ADORA1: variants seen among roughly 807,000 people sequenced by gnomAD.
ADORA1 encodes the protein adenosine A1 receptor.
Under a neutral mutation model 19.9 loss-of-function variants are expected in ADORA1, and 6 were observed. The observed-to-expected ratio is 0.30, with a 90% CI of 0.17 to 0.59. The LOEUF (loss-of-function observed/expected upper bound fraction) is 0.59. Among genes scored for constraint, ADORA1 ranks in the 20% least tolerant of loss-of-function variants. ADORA1 has a pLI of 0.87. For synonymous variants in ADORA1, 194 were observed against 188.4 expected (o/e 1.03, Z -0.24); for missense variants, 302 against 439.2 (o/e 0.69, Z 2.79).
chr1:203,151,686 C>T (rs1208534553), intron 3 of ADORA1, among the ~76,000 whole-genome samples: 1 of 152,138 alleles, frequency 6.6e-6, no homozygotes, highest in Non-Finnish European at 1.5e-5. Flanking sequence ...AGGACAAAAC[C>T]AAGGCTCAAG....
At chr1:203,141,366 A>G (rs1245023339) in intron 3 of ADORA1, among the ~76,000 whole-genome samples, 2 of 152,128 alleles carry the variant, frequency 1.3e-5, no homozygotes, top group Non-Finnish European at 2.9e-5. Context: ...AGAGGCTACC[A>G]GTTTCCAGTT....
At position 203,160,551 on chromosome 1, in the gene ADORA1, G is replaced by A. The variant is rs192264206; in HGVS notation, c.342-4710G>A. Among the ~76,000 whole-genome samples the A allele has an allele frequency of 1.4e-4, 21 of 152,272 alleles. No individual in the cohort carries two copies. In the South Asian group the frequency reaches 2.7e-3, roughly 20 times the overall value. On this transcript the variant is annotated intron_variant, in intron 3 of 3. Coordinates refer to ENST00000337894, the MANE Select transcript of ADORA1 (RefSeq NM_000674.3). ...CCTAGGGCTGGGCGCAGTGGTGCAC[G>A]CCTGTAATCCCAGCACTTTGGGAGG...
Position 203,165,964 on chromosome 1 carries a change from G to A in ADORA1, c.*64G>A, listed in dbSNP as rs200117311. ...GTCTCAGTCCAGTCCTCACATGCCC[G>A]CTGTCCCAGGGGTCTCCCTGAGCCT... On this transcript the variant is annotated 3_prime_UTR_variant, in exon 4 of 4. Coordinates refer to ENST00000337894, the MANE Select transcript of ADORA1 (RefSeq NM_000674.3). This position sits in a 1 kb window ranked among gnomAD's most constrained non-coding sequence, Gnocchi z 5.9. 16 of 1,493,828 alleles carry A rather than the reference G, an allele frequency of 1.1e-5. No homozygotes were observed. The highest frequency in any genetic ancestry group is 1.9e-4 in the Middle Eastern group (1 of 5,402). 92.5% of individuals were successfully genotyped at this position (1,493,828 alleles called of 1,614,324 possible).
chr1:203,156,210 T>C (rs1484309643), intron 3 of ADORA1, among the ~76,000 whole-genome samples: 1 of 151,804 alleles, frequency 6.6e-6, no homozygotes, highest in Non-Finnish European at 1.5e-5. Context: ...TATAGATAGA[T>C]AGATAGTTAG....
chr1:203,131,778 G>A (rs1212516332), intron 3 of ADORA1, among the ~76,000 whole-genome samples: 7 of 152,216 alleles, frequency 4.6e-5, no homozygotes, highest in Non-Finnish European at 1.0e-4. Context: ...GTCCCTTCCA[G>A]GAGGAACAGC....
intron 3 of ADORA1, among the ~76,000 whole-genome samples, chr1:203,141,481 A>G (rs1423988044): frequency 6.6e-6 from 1 of 151,332 alleles, no homozygotes; most frequent in Non-Finnish European, 1.5e-5. Context: ...GCTCTGAGGC[A>G]CACCCACACT....
intron 3 of ADORA1, among the ~76,000 whole-genome samples, chr1:203,148,780 G>A (rs1027370408): frequency 6.6e-6 from 1 of 152,206 alleles, no homozygotes. Context: ...CGTGCCCTCT[G>A]TGCCACTGCT....
rs1654205427 is a variant in ADORA1 at position 203,128,045 on chromosome 1, G to A, written c.-213+117G>A. On this transcript the variant is annotated intron_variant, in intron 1 of 3. Transcript: ENST00000337894. This position sits in a 1 kb window ranked among gnomAD's most constrained non-coding sequence, Gnocchi z 5.9. ...GCCATGGGCAAGGTTCCCCGACAGA[G>A]CTGGAACGGGACCAGAGGACTGCTA... 1 of 246,504 alleles carries A rather than the reference G, an allele frequency of 4.1e-6. No individual in the cohort carries two copies. The highest frequency in any genetic ancestry group is 2.3e-5 in the African/African-American group (1 of 43,400). 15.3% of individuals were successfully genotyped at this position (246,504 alleles called of 1,614,324 possible).
At chr1:203,141,887 C>G (rs549799824) in intron 3 of ADORA1, among the ~76,000 whole-genome samples, 2 of 152,138 alleles carry the variant, frequency 1.3e-5, no homozygotes, top group African/African-American at 4.8e-5. Context: ...CCGGCCTAAC[C>G]TGGATGTTTT....
intron 3 of ADORA1, among the ~76,000 whole-genome samples, chr1:203,151,270 G>A (rs566628684): frequency 3.3e-5 from 5 of 152,260 alleles, no homozygotes; most frequent in East Asian, 1.9e-4. Flanking sequence ...TCCAGGGAGC[G>A]TGACTTCTCC....
chr1:203,134,463 C>G (rs534269426), intron 3 of ADORA1, among the ~76,000 whole-genome samples: 14 of 152,284 alleles, frequency 9.2e-5, no homozygotes, highest in Non-Finnish European at 1.9e-4. Flanking sequence ...AGAACATGGC[C>G]TTTAATTGAA....
At position 203,165,994 on chromosome 1, in the gene ADORA1, C is replaced by T. The variant is rs199913778; in HGVS notation, c.*94C>T. ...CCCAGGGGTCTCCCTGAGCCTGCCCCAGCTGGGCTGTTGGCTGGGGGCATG... is the reference window on the plus strand; with the variant it reads ...CCCAGGGGTCTCCCTGAGCCTGCCCTAGCTGGGCTGTTGGCTGGGGGCATG... On this transcript the variant is annotated 3_prime_UTR_variant, in exon 4 of 4. Transcript: ENST00000337894. This position sits in a 1 kb window ranked among gnomAD's most constrained non-coding sequence, Gnocchi z 5.9. The T allele has an allele frequency of 2.1e-6, 3 of 1,437,266 alleles. No individual in the cohort carries two copies. Among genetic ancestry groups the T allele is most frequent in the Non-Finnish European group, 2.7e-6 (3 of 1,094,114 alleles). The allele number at this position is 1,437,266 out of a possible 1,614,324, so 89.0% of individuals were successfully genotyped here.
intron 3 of ADORA1, among the ~76,000 whole-genome samples, chr1:203,135,005 G>A (rs1322322508): frequency 1.3e-5 from 2 of 152,134 alleles, no homozygotes; most frequent in South Asian, 2.1e-4. Context: ...CCTTAGGGGG[G>A]CCTTCCCTGA....
At chr1:203,158,012 A>G (rs1024195885) in intron 3 of ADORA1, among the ~76,000 whole-genome samples, 1 of 152,178 alleles carries the variant, frequency 6.6e-6, no homozygotes, top group African/African-American at 2.4e-5. Context: ...CCTTCTATCC[A>G]TATTATTCTC....
At chr1:203,141,185 A>G (rs1654674959) in intron 3 of ADORA1, among the ~76,000 whole-genome samples, 1 of 90,004 alleles carries the variant, frequency 1.1e-5, no homozygotes, top group Admixed American at 1.0e-4. Flanking sequence ...GCATGGGGGC[A>G]CGCTGTGTCC....
chr1:203,131,943 A>G (rs1346682018), intron 3 of ADORA1, among the ~76,000 whole-genome samples: 1 of 152,182 alleles, frequency 6.6e-6, no homozygotes, highest in Admixed American at 6.5e-5. Context: ...CTGACCGAGC[A>G]CTGGTGAGGC....
intron 3 of ADORA1, among the ~76,000 whole-genome samples, chr1:203,134,150 A>T (rs950434629): frequency 3.3e-5 from 5 of 152,130 alleles, no homozygotes; most frequent in African/African-American, 1.2e-4. Flanking sequence ...GGAAACTGAG[A>T]TTGGAGAGAG....
chr1:203,144,801 G>T (rs1178487254), intron 3 of ADORA1: 1 of 152,280 alleles, frequency 6.6e-6, no homozygotes, highest in Non-Finnish European at 1.5e-5. Flanking sequence ...GTTCAGGGGC[G>T]AGTTGGCTCT....
At chr1:203,157,465 G>A (rs1006538171) in intron 3 of ADORA1, among the ~76,000 whole-genome samples, 17 of 152,226 alleles carry the variant, frequency 1.1e-4, no homozygotes, top group African/African-American at 3.4e-4. Context: ...AGCAGCTCTC[G>A]TGGATTGGAG....
Sources: allele counts gnomAD v4.1 joint callset (sites outside exome capture counted in the v4.1 genomes callset), GRCh38; gene constraint gnomAD v4.1.1; non-coding constraint Gnocchi (gnomAD v3.1); transcripts MANE v1.5; gene names NCBI Gene and HGNC (gene_info 2026-07-23, HGNC 2026-07-21).